The following MIA2 variants were observed in gnomAD, a reference collection of about 807,000 sequenced individuals.
The protein encoded by MIA2 is MIA SH3 domain ER export factor 2.
A neutral mutation model predicts 167.8 loss-of-function variants in MIA2; 127 were observed. The ratio of observed to expected loss-of-function variants is 0.76; its 90% CI spans 0.66 to 0.88. The LOEUF (loss-of-function observed/expected upper bound fraction) is 0.88. Ranked by LOEUF, MIA2 falls within the 40% of genes least tolerant of loss-of-function variation. The pLI is 0.00. For synonymous variants in MIA2, 552 were observed against 541.9 expected (o/e 1.02, Z -0.26); for missense variants, 1,690 against 1,624.7 (o/e 1.04, Z -0.69).
chr14:39,372,567 G>T (rs1043509362), intron 23 of MIA2, among the ~76,000 whole-genome samples: 2 of 152,126 alleles, frequency 1.3e-5, no homozygotes, highest in Non-Finnish European at 2.9e-5. Context: ...CATGAACTTC[G>T]TAAATTTTAA....
intron 4 of MIA2, among the ~76,000 whole-genome samples, chr14:39,250,751 A>C (rs913082274): frequency 6.7e-6 from 1 of 149,488 alleles, no homozygotes; most frequent in African/African-American, 2.4e-5. Flanking sequence ...TTATCATTTT[A>C]TATAGAGATA....
chr14:39,292,131 T>C (rs2060818236), intron 10 of MIA2, among the ~76,000 whole-genome samples: 1 of 152,240 alleles, frequency 6.6e-6, no homozygotes, highest in African/African-American at 2.4e-5. Context: ...TTCAAGAACT[T>C]GTTGAAATTA....
intron 25 of MIA2, among the ~76,000 whole-genome samples, chr14:39,336,575 A>G (rs940122526): frequency 6.6e-6 from 1 of 152,226 alleles, no homozygotes; most frequent in African/African-American, 2.4e-5. Flanking sequence ...AGTTTTGTAC[A>G]GTGTTGAACA....
chr14:39,307,422 G>C (rs908895981), intron 17 of MIA2, among the ~76,000 whole-genome samples: 2 of 88,030 alleles, frequency 2.3e-5, no homozygotes, highest in Admixed American at 1.7e-4. Context: ...TTTTTTTGGA[G>C]ACAGGGTCTC....
chr14:39,348,982 G>C lies in MIA2; in HGVS notation c.4072+5G>C. ...CACCACCTGCTCCATTTGCAAGTAT[G>C]CTTTTTTAAACTTTTTTTTTAAAGC... is the stretch of plus-strand genomic sequence containing the variant. On this transcript the variant is annotated splice_donor_5th_base_variant and intron_variant, in intron 28 of 28. Coordinates refer to ENST00000640607, the MANE Select transcript of MIA2 (RefSeq NM_001329214.4). 1 of 1,611,242 alleles carries C rather than the reference G, an allele frequency of 6.2e-7. No homozygotes were observed. Among genetic ancestry groups the C allele is most frequent in the Non-Finnish European group, 8.5e-7 (1 of 1,177,604 alleles).
In MIA2 at chr14:39,246,919, CTTTCTT is replaced by C; in HGVS notation, c.347_352del (p.Phe116_Leu117del). ...ATATTTTTTCCTTTTAGGAATCTGA[CTTTCTT>C]TGTCTTCTTGGAGTAAGTTACACAT... On this transcript the variant is annotated inframe_deletion, in exon 4 of 29. Coordinates refer to ENST00000640607, the MANE Select transcript of MIA2 (RefSeq NM_001329214.4). The C allele has an allele frequency of 6.6e-7, 1 of 1,504,502 alleles. No individual in the cohort carries two copies. The highest frequency in any genetic ancestry group is 1.4e-5 in the South Asian group (1 of 71,292). The allele number at this position is 1,504,502 out of a possible 1,614,324, so 93.2% of individuals were successfully genotyped here.
chr14:39,241,361 A>G (rs749593571), intron 3 of MIA2, among the ~76,000 whole-genome samples: 2 of 152,216 alleles, frequency 1.3e-5, no homozygotes, highest in Non-Finnish European at 2.9e-5. Context: ...GCTCTTTCCC[A>G]TCACAAACTC....
At chr14:39,349,662 A>G (rs1460665652) in intron 28 of MIA2, among the ~76,000 whole-genome samples, 4 of 152,126 alleles carry the variant, frequency 2.6e-5, no homozygotes, top group Non-Finnish European at 5.9e-5. Context: ...TGTTTGGGGA[A>G]ATTTTAAGGT....
intron 23 of MIA2, among the ~76,000 whole-genome samples, chr14:39,383,840 T>C (rs530346383): frequency 6.6e-6 from 1 of 152,280 alleles, no homozygotes; most frequent in South Asian, 2.1e-4. Context: ...TTCAAGTCTA[T>C]GAAGGATGAG....
chr14:39,383,223 G>T (rs981909600), intron 23 of MIA2, among the ~76,000 whole-genome samples: 40 of 152,120 alleles, frequency 2.6e-4, no homozygotes, highest in African/African-American at 8.9e-4. Flanking sequence ...AAGTCTATCA[G>T]CACCATTTTC....
intron 23 of MIA2, among the ~76,000 whole-genome samples, chr14:39,367,308 G>C (rs1595949416): frequency 6.6e-6 from 1 of 152,302 alleles, no homozygotes; most frequent in Non-Finnish European, 1.5e-5. Context: ...TATCAGTGCA[G>C]CTTCAGGGAT....
At chr14:39,283,538 A>G (rs2059235760) in intron 9 of MIA2, among the ~76,000 whole-genome samples, 2 of 152,198 alleles carry the variant, frequency 1.3e-5, no homozygotes, top group Non-Finnish European at 1.5e-5. Flanking sequence ...GTCTAGAAAA[A>G]GGGTTCCCTT....
intron 25 of MIA2, among the ~76,000 whole-genome samples, chr14:39,327,625 C>G (rs28589874): frequency 1.2e-4 from 19 of 152,042 alleles, no homozygotes; most frequent in Non-Finnish European, 1.5e-5. Flanking sequence ...CCTGGCCCCC[C>G]ACCCCCAGAG....
intron 9 of MIA2, among the ~76,000 whole-genome samples, chr14:39,283,328 A>G (rs2059208969): frequency 6.6e-6 from 1 of 152,188 alleles, no homozygotes; most frequent in South Asian, 2.1e-4. Flanking sequence ...TTCTGTAGTG[A>G]CTGTACCCAT....
At chr14:39,266,047 C>A (rs1048017612) in intron 6 of MIA2, 2 of 985,330 alleles carry the variant, frequency 2.0e-6, no homozygotes, top group East Asian at 2.3e-4. Context: ...TGAACTTGGG[C>A]CAGTTTTTGA....
intron 25 of MIA2, among the ~76,000 whole-genome samples, chr14:39,332,684 G>A (rs2069193767): frequency 6.6e-6 from 1 of 152,084 alleles, no homozygotes; most frequent in South Asian, 2.1e-4. Context: ...GAAATTTCCT[G>A]AACGCTTGTG....
chr14:39,259,842 T>C (rs2055002933), intron 6 of MIA2, among the ~76,000 whole-genome samples: 1 of 152,022 alleles, frequency 6.6e-6, no homozygotes, highest in Admixed American at 6.6e-5. Flanking sequence ...TCTCTCCTAA[T>C]GCTATCCCTC....
intron 1 of MIA2, among the ~76,000 whole-genome samples, chr14:39,235,039 G>T (rs1319678181): frequency 4.9e-5 from 7 of 144,178 alleles, no homozygotes; most frequent in Admixed American, 2.8e-4. Flanking sequence ...TACCTTTTTG[G>T]TTTTTTTTTT....
chr14:39,341,109 C>G (rs1477609100), intron 25 of MIA2, among the ~76,000 whole-genome samples: 1 of 152,018 alleles, frequency 6.6e-6, no homozygotes, highest in Non-Finnish European at 1.5e-5. Flanking sequence ...CAAGACCAAC[C>G]TGGCCAACAT....
Sources: gnomAD v4.1 joint callset for allele counts (sites outside exome capture counted in the v4.1 genomes callset) on GRCh38, gnomAD v4.1.1 for gene constraint, MANE v1.5 for transcripts, NCBI Gene and HGNC (gene_info 2026-07-23, HGNC 2026-07-21) for gene names.